Variants in SND1 observed in about 807,000 individuals in gnomAD.
SND1 encodes the protein staphylococcal nuclease and tudor domain containing 1.
A neutral mutation model predicts 121.7 loss-of-function variants in SND1; 38 were observed. The observed-to-expected ratio is 0.31, with a 90% CI of 0.24 to 0.41. The LOEUF is 0.41. SND1 is among the 10% of genes least tolerant of loss of function. The pLI is 1.00. For missense variants in SND1, 868 were observed against 1,184.6 expected, an observed-to-expected ratio of 0.73 and a Z score of 3.92; for synonymous variants, 401 against 447.4, an observed-to-expected ratio of 0.90 and a Z score of 1.31.
intron 11 of SND1, among the ~76,000 whole-genome samples, chr7:127,836,312 TGTA>T (rs1413478958): frequency 6.6e-6 from 1 of 152,134 alleles, no homozygotes; most frequent in Non-Finnish European, 1.5e-5. Flanking sequence ...GAAAATGAAA[TGTA>T]GTCAAAATAG....
rs1434379303 is a variant in SND1 at position 128,074,546 on chromosome 7, C to T, written c.1824C>T (p.Ile608=). The T allele has an allele frequency of 3.1e-6, 5 of 1,613,320 alleles. No homozygotes were observed. The highest frequency in any genetic ancestry group is 2.7e-5 in the African/African-American group (2 of 74,922). ...GCATGGACAAGGCCGGCAACTTTAT[C>T]GGCTGGCTGCACATCGACGGTGCCA... The part of the protein sequence containing the change: ...VESMDKAGNF[I]GWLHIDGANL... Residue 608 remains isoleucine, a synonymous_variant, in exon 17 of 24, where the codon ATC becomes ATT. Coordinates refer to ENST00000354725, the MANE Select transcript of SND1 (RefSeq NM_014390.4).
chr7:128,004,682 C>G (rs1031193016), intron 16 of SND1, among the ~76,000 whole-genome samples: 3 of 152,206 alleles, frequency 2.0e-5, no homozygotes, highest in African/African-American at 7.2e-5. Context: ...TATTCCTGAG[C>G]TAAAGATGAA....
chr7:127,926,488 A>G (rs1403789884), intron 14 of SND1, among the ~76,000 whole-genome samples: 1 of 151,670 alleles, frequency 6.6e-6, no homozygotes, highest in African/African-American at 2.4e-5. Context: ...TTATCTGGAA[A>G]TAAACATGGC....
intron 12 of SND1, chr7:127,857,708 G>A: frequency 1.7e-6 from 1 of 587,222 alleles, no homozygotes. Flanking sequence ...CACAGCCAAG[G>A]CCCCACAACT....
chr7:127,904,567 A>G (rs1800295111), intron 13 of SND1, 180 bp from the exon 14 acceptor site: 2 of 451,694 alleles, frequency 4.4e-6, no homozygotes, highest in Admixed American at 3.5e-5. Context: ...GAGCAGCTTT[A>G]TAATCCCCCC....
chr7:128,032,520 AGCCCGCGCCGGCCCCCGCCCTCCG>A (rs1792657404), intron 16 of SND1, among the ~76,000 whole-genome samples: 1 of 150,116 alleles, frequency 6.7e-6, no homozygotes, highest in Non-Finnish European at 1.5e-5. Flanking sequence ...GCGGCGGGAG[AGCCCGCGCCGGCCCCCGCCCTCCG>A]GCCCGCACCC....
chr7:127,981,461 G>A (rs1010928362), intron 15 of SND1, among the ~76,000 whole-genome samples: 3 of 152,150 alleles, frequency 2.0e-5, no homozygotes, highest in African/African-American at 7.2e-5. Flanking sequence ...ACAGCCTGGT[G>A]AGGTGGGTTA....
intron 10 of SND1, among the ~76,000 whole-genome samples, chr7:127,758,242 GACAA>G (rs1050750545): frequency 3.3e-5 from 5 of 152,152 alleles, no homozygotes; most frequent in African/African-American, 1.2e-4. Context: ...ATCCACATTT[GACAA>G]ACAAGGAAAT....
At chr7:128,046,802 T>C (rs1406201701) in intron 16 of SND1, among the ~76,000 whole-genome samples, 1 of 152,210 alleles carries the variant, frequency 6.6e-6, no homozygotes, top group Admixed American at 6.5e-5. Flanking sequence ...ACTATTTCCT[T>C]TGAATATGAA....
chr7:127,848,600 G>A (rs1799110622), intron 12 of SND1, among the ~76,000 whole-genome samples: 1 of 152,176 alleles, frequency 6.6e-6, no homozygotes, highest in Admixed American at 6.5e-5. Context: ...GTTGTAATCT[G>A]TCGGCTTATA....
chr7:127,924,664 T>C (rs1800794207), intron 14 of SND1, among the ~76,000 whole-genome samples: 1 of 152,168 alleles, frequency 6.6e-6, no homozygotes, highest in Non-Finnish European at 1.5e-5. Context: ...GACACTTCTA[T>C]CCTGTGCCTG....
chr7:127,900,312 C>T (rs1006909109), intron 13 of SND1, among the ~76,000 whole-genome samples: 1 of 152,204 alleles, frequency 6.6e-6, no homozygotes, highest in African/African-American at 2.4e-5. Context: ...TTCAGAATAA[C>T]AATCTACTGT....
chr7:127,806,944 G>A (rs184446244), intron 10 of SND1, among the ~76,000 whole-genome samples: 81 of 152,264 alleles, frequency 5.3e-4, no homozygotes, highest in Middle Eastern at 3.4e-3. Flanking sequence ...GGGCAACAGA[G>A]CAAGACTCTG....
chr7:127,763,383 G>A (rs1007739264), intron 10 of SND1, among the ~76,000 whole-genome samples: 1 of 152,064 alleles, frequency 6.6e-6, no homozygotes, highest in African/African-American at 2.4e-5. Flanking sequence ...GTCTTGCTCT[G>A]TTGCCCAGGC....
At chr7:127,711,062 G>A (rs1409890999) in intron 9 of SND1, among the ~76,000 whole-genome samples, 1 of 152,150 alleles carries the variant, frequency 6.6e-6, no homozygotes, top group Non-Finnish European at 1.5e-5. Context: ...CTCAAGAGGA[G>A]ATTCATTCAG....
At chr7:128,043,802 G>A (rs988197582) in intron 16 of SND1, among the ~76,000 whole-genome samples, 1 of 150,864 alleles carries the variant, frequency 6.6e-6, no homozygotes, top group South Asian at 2.1e-4. Flanking sequence ...TACACAATAT[G>A]TAAAGATACA....
intron 17 of SND1, among the ~76,000 whole-genome samples, chr7:128,080,904 G>A (rs1793588144): frequency 6.6e-6 from 1 of 151,950 alleles, no homozygotes; most frequent in Admixed American, 6.6e-5. Context: ...GAGATAGAGG[G>A]CTTCAGGGGC....
intron 15 of SND1, among the ~76,000 whole-genome samples, chr7:127,944,018 C>T (rs1801272668): frequency 3.9e-5 from 6 of 152,226 alleles, no homozygotes; most frequent in Non-Finnish European, 8.8e-5. Context: ...TCTTGCAGTT[C>T]TCTGCATCTA....
intron 17 of SND1, among the ~76,000 whole-genome samples, chr7:128,075,602 GTC>G (rs771636224): frequency 1.3e-5 from 2 of 152,188 alleles, no homozygotes; most frequent in East Asian, 3.9e-4. Flanking sequence ...GTCCTCCTGG[GTC>G]TCTCTCTATC....
Sources: allele counts gnomAD v4.1 joint callset (sites outside exome capture counted in the v4.1 genomes callset), GRCh38; gene constraint gnomAD v4.1.1; transcripts MANE v1.5; gene names NCBI Gene and HGNC (gene_info 2026-07-23, HGNC 2026-07-21).